The following PHF21B variants were observed in gnomAD, a reference collection of about 807,000 sequenced individuals.
PHF21B encodes PHD finger protein 4.
In PHF21B, 22 loss-of-function variants were observed where a neutral mutation model predicts 62.2. That is an observed-to-expected ratio of 0.35 (90% CI 0.25 to 0.51). The LOEUF is 0.51. Ranked by LOEUF, PHF21B falls within the 20% of genes least tolerant of loss-of-function variation. The pLI is 0.97. For synonymous variants in PHF21B, 341 were observed against 314.7 expected, an observed-to-expected ratio of 1.08 and a Z score of -0.88; for missense variants, 701 against 707.9, an observed-to-expected ratio of 0.99 and a Z score of 0.11.
intron 12 of PHF21B, among the ~76,000 whole-genome samples, chr22:44,884,943 C>G (rs1444074540): frequency 6.6e-6 from 1 of 152,258 alleles, no homozygotes; most frequent in African/African-American, 2.4e-5. Context: ...CTATCTCCAT[C>G]CTATGGAGGA....
chr22:44,938,347 C>T (rs369159478), intron 2 of PHF21B, among the ~76,000 whole-genome samples: 99 of 152,358 alleles, frequency 6.5e-4, no homozygotes, highest in African/African-American at 2.0e-3. Context: ...CATTCTCATG[C>T]CTCAGCCTCC....
chr22:44,925,472 T>A (rs750242983), intron 2 of PHF21B, among the ~76,000 whole-genome samples: 10 of 152,128 alleles, frequency 6.6e-5, no homozygotes, highest in Non-Finnish European at 1.3e-4. Context: ...TTGCCACCTG[T>A]CCCATGGGGG....
intron 2 of PHF21B, among the ~76,000 whole-genome samples, chr22:44,964,951 G>A (rs114252404): frequency 0.015 from 2,212 of 152,268 alleles, 52 homozygotes; most frequent in African/African-American, 0.05. Context: ...GCTCCTGTCC[G>A]TACACTGGAG....
chr22:44,917,657 T>C (rs527939456), intron 3 of PHF21B, among the ~76,000 whole-genome samples: 31 of 152,270 alleles, frequency 2.0e-4, no homozygotes, highest in Admixed American at 1.7e-3. Context: ...GCCTCACCGG[T>C]AATAATGATG....
chr22:44,910,671 C>T (rs1380199110), intron 5 of PHF21B, among the ~76,000 whole-genome samples: 4 of 152,200 alleles, frequency 2.6e-5, no homozygotes, highest in Admixed American at 1.3e-4. Flanking sequence ...GAGGCTTCCC[C>T]AGCCATCTGG....
intron 2 of PHF21B, among the ~76,000 whole-genome samples, chr22:44,973,144 G>C (rs1189261630): frequency 6.6e-6 from 1 of 152,156 alleles, no homozygotes; most frequent in Non-Finnish European, 1.5e-5. Flanking sequence ...GTTTAATACA[G>C]AAGTCCCCGA....
chr22:44,891,442 T>C, intron 7 of PHF21B, 82 bp from the exon 8 acceptor site: 1 of 1,518,448 alleles, frequency 6.6e-7, no homozygotes, highest in Non-Finnish European at 9.0e-7. Context: ...GTCAGGACTC[T>C]CTCTGGGACA....
At chr22:44,925,981 A>G (rs532548657) in intron 2 of PHF21B, among the ~76,000 whole-genome samples, 2 of 69,424 alleles carry the variant, frequency 2.9e-5, no homozygotes, top group South Asian at 7.6e-4. Flanking sequence ...GCCAGATTCC[A>G]GGTAACTCCA....
intron 3 of PHF21B, among the ~76,000 whole-genome samples, chr22:44,917,025 G>A (rs766203827): frequency 3.3e-5 from 5 of 152,214 alleles, no homozygotes; most frequent in East Asian, 1.9e-4. Context: ...GCTGCCCCTC[G>A]GCAGGGACTG....
At chr22:45,008,750 C>T (rs1281286055) in intron 1 of PHF21B, 140 bp from the exon 2 acceptor site, 3 of 1,150,528 alleles carry the variant, frequency 2.6e-6, no homozygotes, top group African/African-American at 1.6e-5. Flanking sequence ...CGGGCCGCGT[C>T]CTGCACGCGC....
intron 2 of PHF21B, among the ~76,000 whole-genome samples, chr22:44,983,291 GGAAA>G (rs1038646797): frequency 1.3e-5 from 2 of 152,116 alleles, no homozygotes; most frequent in African/African-American, 4.8e-5. Flanking sequence ...ACCTAAAACG[GGAAA>G]GCGAGTTGGG....
At chr22:44,995,437 C>G (rs371237036) in intron 2 of PHF21B, among the ~76,000 whole-genome samples, 24 of 152,142 alleles carry the variant, frequency 1.6e-4, no homozygotes, top group African/African-American at 5.6e-4. Context: ...AGTCTATTTA[C>G]AGAAATGCAT....
At chr22:44,887,092 G>T (rs950523860) in intron 10 of PHF21B, among the ~76,000 whole-genome samples, 1 of 151,000 alleles carries the variant, frequency 6.6e-6, no homozygotes, top group East Asian at 1.9e-4. Flanking sequence ...GAAGGCAGAG[G>T]TGGCAGTGAG....
intron 2 of PHF21B, among the ~76,000 whole-genome samples, chr22:45,005,123 G>A (rs1342863154): frequency 6.6e-6 from 1 of 152,236 alleles, no homozygotes; most frequent in Non-Finnish European, 1.5e-5. Flanking sequence ...TACACAGAAG[G>A]GCTTGTTGCT....
At chr22:44,928,825 G>A (rs1343379621) in intron 2 of PHF21B, among the ~76,000 whole-genome samples, 1 of 152,198 alleles carries the variant, frequency 6.6e-6, no homozygotes, top group African/African-American at 2.4e-5. Context: ...GACAAGGGTG[G>A]ACCAGGCTCT....
chr22:44,888,042 G>T lies in PHF21B; in HGVS notation c.1118C>A (p.Ala373Asp). 1 of 1,556,694 alleles carries T rather than the reference G, an allele frequency of 6.4e-7. No homozygotes were observed. Among genetic ancestry groups the T allele is most frequent in the Non-Finnish European group, 8.7e-7 (1 of 1,150,862 alleles). The change falls in exon 10 of 13, where the codon GCC becomes GAC. Residue 373 changes from alanine (A) to aspartate (D), a missense_variant. Transcript: ENST00000313237. Reference protein sequence around the residue: ...NLQPCGTCPGAYHLSCLEPPL... With the variant: ...NLQPCGTCPGDYHLSCLEPPL... ...CGGCTCCAGGCAGCTGAGGTGGTAG[G>T]CCCCCGGGCAGGTGCCGCAGGGCTG...
At chr22:44,940,370 G>C (rs746191155) in intron 2 of PHF21B, among the ~76,000 whole-genome samples, 1 of 152,224 alleles carries the variant, frequency 6.6e-6, no homozygotes, top group Non-Finnish European at 1.5e-5. Context: ...TCTCCCGCCA[G>C]CCCCATCACA....
intron 5 of PHF21B, among the ~76,000 whole-genome samples, chr22:44,896,880 G>T (rs1272536343): frequency 1.2e-3 from 101 of 83,972 alleles, no homozygotes; most frequent in South Asian, 1.9e-3. Context: ...AGTTTTATCT[G>T]TTTTTTTTTT....
At chr22:44,962,258 C>T (rs2072438842) in intron 2 of PHF21B, among the ~76,000 whole-genome samples, 2 of 152,154 alleles carry the variant, frequency 1.3e-5, no homozygotes, top group African/African-American at 4.8e-5. Context: ...CTTTTCTCTG[C>T]AGCCTCACAT....
Sources: allele counts gnomAD v4.1 joint callset (sites outside exome capture counted in the v4.1 genomes callset), GRCh38; gene constraint gnomAD v4.1.1; transcripts MANE v1.5; gene names NCBI Gene and HGNC (gene_info 2026-07-23, HGNC 2026-07-21).